NCAPD2: variants seen among roughly 807,000 people sequenced by gnomAD.
The protein encoded by NCAPD2 is condensin complex subunit 1.
In NCAPD2, 100 loss-of-function variants were observed where a neutral mutation model predicts 164.5. That is an observed-to-expected ratio of 0.61 (90% CI 0.52 to 0.72). The LOEUF (loss-of-function observed/expected upper bound fraction) is 0.72, where lower values mean the gene tolerates loss of function less well. Ranked by LOEUF, NCAPD2 falls within the 30% of genes least tolerant of loss-of-function variation. The pLI is 0.00. For missense variants in NCAPD2, 1,560 were observed against 1,749.2 expected (o/e 0.89, Z 1.93); for synonymous variants, 585 against 642.6 (o/e 0.91, Z 1.36).
At chr12:6,507,014 T>G (rs1946105098) in intron 2 of NCAPD2, among the ~76,000 whole-genome samples, 1 of 152,222 alleles carries the variant, frequency 6.6e-6, no homozygotes, top group African/African-American at 2.4e-5. Flanking sequence ...TAGAAATGAG[T>G]GCAAGTAATG....
At chr12:6,503,687 C>G (rs1454102866) in intron 2 of NCAPD2, among the ~76,000 whole-genome samples, 1 of 151,786 alleles carries the variant, frequency 6.6e-6, no homozygotes, top group Non-Finnish European at 1.5e-5. Context: ...GGGAGAATCA[C>G]TTGAACCTGG....
chr12:6,513,212 G>A (rs952725425), intron 6 of NCAPD2, among the ~76,000 whole-genome samples: 1 of 152,136 alleles, frequency 6.6e-6, no homozygotes, highest in Admixed American at 6.6e-5. Flanking sequence ...AAAAGAGCAG[G>A]AATCCAAGGA....
chr12:6,510,507 T>TG, intron 4 of NCAPD2, 122 bp from the exon 5 acceptor site: 1 of 1,152,464 alleles, frequency 8.7e-7, no homozygotes. Context: ...GCTTGTGTTA[T>TG]GGCCACTGAG....
In NCAPD2 at chr12:6,531,470, A is replaced by G. The variant is rs943072730; in HGVS notation, c.*58A>G. ...TCCTGTAGGGTGACCTGGAATTCGAATTCTGTTTCCCTTGTAAAATATTTG... is the reference window on the plus strand; with the variant it reads ...TCCTGTAGGGTGACCTGGAATTCGAGTTCTGTTTCCCTTGTAAAATATTTG... On this transcript the variant is annotated 3_prime_UTR_variant, in exon 32 of 32. Transcript: ENST00000315579. The surrounding 1 kb of genome is among the most constrained non-coding windows in gnomAD (Gnocchi z 4.1). The G allele has an allele frequency of 6.3e-7, 1 of 1,594,602 alleles. No individual in the cohort carries two copies. The highest frequency in any genetic ancestry group is 1.4e-5 in the African/African-American group (1 of 73,632).
chr12:6,514,583 G>GTAAGGTGAC lies in NCAPD2; in HGVS notation c.837_839+6dup. The GTAAGGTGAC allele has an allele frequency of 1.2e-6, 2 of 1,614,194 alleles. No individual in the cohort carries two copies. Among genetic ancestry groups the GTAAGGTGAC allele is most frequent in the Non-Finnish European group, 1.7e-6 (2 of 1,180,034 alleles). ...AATGAAGAGCATAGTGGGAGAGATT[G>GTAAGGTGAC]TAAGGTGACTCTTCCTTCTCGAAGT... On this transcript the variant is annotated stop_gained and inframe_insertion, in exon 8 of 32. Coordinates refer to ENST00000315579, the MANE Select transcript of NCAPD2 (RefSeq NM_014865.4). LOFTEE classifies it high-confidence loss of function.
At chr12:6,504,609 C>G (rs1946081659) in intron 2 of NCAPD2, among the ~76,000 whole-genome samples, 1 of 152,008 alleles carries the variant, frequency 6.6e-6, no homozygotes, top group Admixed American at 6.6e-5. Context: ...CCAGGCTGGT[C>G]TCAATCTCCT....
intron 13 of NCAPD2, among the ~76,000 whole-genome samples, chr12:6,520,623 T>G (rs1946255309): frequency 6.6e-6 from 1 of 152,242 alleles, no homozygotes; most frequent in African/African-American, 2.4e-5. Context: ...TGTGCCTGAA[T>G]TAACTAATTA....
intron 6 of NCAPD2, among the ~76,000 whole-genome samples, chr12:6,513,444 G>C (rs183110264): frequency 6.6e-6 from 1 of 152,054 alleles, no homozygotes; most frequent in African/African-American, 2.4e-5. Context: ...GCTATGAGGA[G>C]GTCAAGGATG....
intron 2 of NCAPD2, among the ~76,000 whole-genome samples, chr12:6,500,366 T>C (rs1477868148): frequency 6.6e-6 from 1 of 152,106 alleles, no homozygotes. Flanking sequence ...GCAGAGACCT[T>C]AAGAAAGTAA....
At position 6,528,436 on chromosome 12, in the gene NCAPD2, G is replaced by GA; in HGVS notation, c.3299+110dup. The GA allele has an allele frequency of 1.4e-6, 2 of 1,460,968 alleles. No homozygotes were observed. Among genetic ancestry groups the GA allele is most frequent in the Non-Finnish European group, 1.9e-6 (2 of 1,056,198 alleles). 90.5% of individuals were successfully genotyped at this position (1,460,968 alleles called of 1,614,324 possible). On this transcript the variant is annotated intron_variant, in intron 25 of 31. Transcript: ENST00000315579. The surrounding 1 kb of genome is among the most constrained non-coding windows in gnomAD (Gnocchi z 5.1). The stretch of plus-strand genomic sequence containing the variant: ...TTCCCCTAGGCTTTGGCATCACCGC[G>GA]AACATCTGCTTGATACTTGACCTGT...
At chr12:6,515,371 G>C (rs2137050313) in intron 9 of NCAPD2, among the ~76,000 whole-genome samples, 2 of 152,020 alleles carry the variant, frequency 1.3e-5, no homozygotes, top group South Asian at 4.2e-4. Context: ...TTTTTGTAGA[G>C]GTGGGGTCTT....
chr12:6,517,599 A>G lies in NCAPD2; in HGVS notation c.1324A>G (p.Ser442Gly), dbSNP rs373603488. 7.4e-6 allele frequency: 12 copies of G among 1,614,148 alleles called. No individual in the cohort carries two copies. In the African/African-American group the frequency reaches 1.3e-4, roughly 18 times the overall value. ...TGCTATTCATTTTACCTGATAGCTT[A>G]GTGATGCTGACCTTGCCGGACCACT... The part of the protein sequence containing the change: ...LANNPFSCKL[S>G]DADLAGPLQK... The change falls in exon 12 of 32, where the codon AGT becomes GGT. Residue 442 changes from serine (S) to glycine (G), a missense_variant. By Grantham distance (56) the Ser-to-Gly change is moderately conservative. Coordinates refer to ENST00000315579, the MANE Select transcript of NCAPD2 (RefSeq NM_014865.4).
intron 22 of NCAPD2, 92 bp from the exon 23 acceptor site, chr12:6,527,685 C>T (rs1946329260): frequency 1.7e-6 from 2 of 1,170,046 alleles, no homozygotes. Flanking sequence ...AGAATTTGCC[C>T]TTCCTCACTT....
In NCAPD2 at chr12:6,518,517, T is replaced by G. The variant is rs868339231; in HGVS notation, c.1589+558T>G. On this transcript the variant is annotated intron_variant, in intron 13 of 31. Transcript: ENST00000315579. The stretch of plus-strand genomic sequence containing the variant: ...AGCCGTCAACAAGTTTTTTTTTTTT[T>G]TTTTTTTTTTTTTTTTTGAGATGGA... 4.5e-4 allele frequency among the ~76,000 whole-genome samples: 51 copies of G among 113,068 alleles called. 3 individuals are homozygous for G. Among genetic ancestry groups the G allele is most frequent in the Admixed American group, 1.7e-3 (18 of 10,814 alleles). The allele number at this position is 113,068 out of a possible 152,430, so 74.2% of individuals were successfully genotyped here. A position where few individuals can be genotyped will look rare whatever the true frequency, so the allele number is the denominator to read the frequency against.
chr12:6,505,575 G>A (rs146416192), intron 2 of NCAPD2, among the ~76,000 whole-genome samples: 2,388 of 152,144 alleles, frequency 0.016, 39 homozygotes, highest in Non-Finnish European at 0.022. Context: ...GTGGTGGCTC[G>A]CGCCTGTAAT....
At position 6,517,963 on chromosome 12, in the gene NCAPD2, G is replaced by A. The variant is rs747979495; in HGVS notation, c.1589+4G>A. On this transcript the variant is annotated splice_donor_region_variant and intron_variant, in intron 13 of 31. Transcript: ENST00000315579. ...TGCTTGCCAAAGCTAGTTACAAGTA[G>A]GCAAAAGAATGGGATATTCTTCGTG... The A allele has an allele frequency of 6.2e-7, 1 of 1,612,874 alleles. No individual in the cohort carries two copies. Among genetic ancestry groups the A allele is most frequent in the Non-Finnish European group, 8.5e-7 (1 of 1,179,682 alleles).
intron 21 of NCAPD2, 93 bp from the exon 22 acceptor site, chr12:6,526,798 G>C: frequency 6.8e-7 from 1 of 1,480,910 alleles, no homozygotes; most frequent in East Asian, 2.3e-5. Flanking sequence ...TGAATAGCAC[G>C]TGAGCAAGGG....
rs755118932 is a variant in NCAPD2, at chr12:6,517,915, T to C, written c.1545T>C (p.Asp515=). The C allele has an allele frequency of 2.5e-6, 4 of 1,614,092 alleles. 1 individual carries two copies. The highest frequency in any genetic ancestry group is 1.7e-6 in the Non-Finnish European group (2 of 1,180,030). The change falls in exon 13 of 32, where the codon GAT becomes GAC. Residue 515 remains aspartate, a synonymous_variant. Coordinates refer to ENST00000315579, the MANE Select transcript of NCAPD2 (RefSeq NM_014865.4). Reference sequence around the variant, plus strand: ...TTGCCAATACAGAGACAACTGAAGATGTGAAAGGACGCATCTATCAACTGC... The same window carrying C: ...TTGCCAATACAGAGACAACTGAAGACGTGAAAGGACGCATCTATCAACTGC... ...EQIANTETTE[D]VKGRIYQLLA...
At chr12:6,524,667 A>T (rs916031814) in intron 17 of NCAPD2, among the ~76,000 whole-genome samples, 1 of 151,762 alleles carries the variant, frequency 6.6e-6, no homozygotes, top group Non-Finnish European at 1.5e-5. Context: ...AAAAAAAAAA[A>T]AAAATCTGGA....
Sources: allele counts gnomAD v4.1 joint callset (sites outside exome capture counted in the v4.1 genomes callset), GRCh38; gene constraint gnomAD v4.1.1; non-coding constraint Gnocchi (gnomAD v3.1); transcripts MANE v1.5; gene names NCBI Gene and HGNC (gene_info 2026-07-23, HGNC 2026-07-21).